Variants in ANKRD26 observed in about 807,000 individuals in gnomAD.
The protein encoded by ANKRD26 is ankyrin repeat domain-containing protein 26.
A neutral mutation model predicts 208.7 loss-of-function variants in ANKRD26; 141 were observed. That is an observed-to-expected ratio of 0.68 (90% CI 0.59 to 0.78). The LOEUF (loss-of-function observed/expected upper bound fraction) is 0.78, where lower values mean the gene tolerates loss of function less well. Among genes scored for constraint, ANKRD26 ranks in the 30% least tolerant of loss-of-function variants. ANKRD26 has a pLI of 0.00. For synonymous variants in ANKRD26, 636 were observed against 660.4 expected, an observed-to-expected ratio of 0.96 and a Z score of 0.57; for missense variants, 1,889 against 1,938.7, an observed-to-expected ratio of 0.97 and a Z score of 0.48.
rs2052822652 is a variant in ANKRD26 at position 27,005,029 on chromosome 10, T to C, written c.*561A>G. On this transcript the variant is annotated 3_prime_UTR_variant, in exon 34 of 34. Transcript: ENST00000376087. ...AAGTCTTTGTACTAAAACTTCGAAATTTTCTCTAAACTGAAGGCTATTTCC... is the reference window on the plus strand; with the variant it reads ...AAGTCTTTGTACTAAAACTTCGAAACTTTCTCTAAACTGAAGGCTATTTCC... 1.0e-6 allele frequency: 1 copy of C among 984,490 alleles called. No individual in the cohort carries two copies. Among genetic ancestry groups the C allele is most frequent in the Admixed American group, 6.1e-5 (1 of 16,268 alleles). The allele number at this position is 984,490 out of a possible 1,614,324, so 61.0% of individuals were successfully genotyped here.
chr10:27,070,336 G>C (rs901008027), intron 9 of ANKRD26, among the ~76,000 whole-genome samples: 1 of 152,060 alleles, frequency 6.6e-6, no homozygotes, highest in African/African-American at 2.4e-5. Flanking sequence ...GGAAGCAGAG[G>C]TTGCAACAAG....
intron 17 of ANKRD26, among the ~76,000 whole-genome samples, chr10:27,047,774 C>T (rs561752527): frequency 6.6e-6 from 1 of 150,714 alleles, no homozygotes; most frequent in East Asian, 2.0e-4. Context: ...GATGGAGTCT[C>T]GCCCTGTCAC....
intron 5 of ANKRD26, among the ~76,000 whole-genome samples, chr10:26,976,575 G>C (rs1288554733): frequency 6.6e-6 from 1 of 152,128 alleles, no homozygotes; most frequent in Non-Finnish European, 1.5e-5. Context: ...TCTTCCTCTA[G>C]GTCAGAGGAT....
chr10:27,065,403 C>T (rs969917000), intron 11 of ANKRD26, among the ~76,000 whole-genome samples: 7 of 152,092 alleles, frequency 4.6e-5, no homozygotes, highest in African/African-American at 1.7e-4. Context: ...AGGTCTCAAG[C>T]GTCAATTCAC....
At chr10:27,021,498 A>G (rs1017718982) in intron 29 of ANKRD26, among the ~76,000 whole-genome samples, 2 of 152,196 alleles carry the variant, frequency 1.3e-5, no homozygotes, top group Non-Finnish European at 2.9e-5. Context: ...GAATAAGATC[A>G]TATCACTTGG....
intron 6 of ANKRD26, among the ~76,000 whole-genome samples, chr10:27,082,273 TA>T (rs1157031731): frequency 6.6e-6 from 1 of 152,208 alleles, no homozygotes; most frequent in African/African-American, 2.4e-5. Context: ...AATTCCTTTA[TA>T]GGACTTGTGT....
At position 27,083,787 on chromosome 10, in the gene ANKRD26, A is replaced by G. The variant is rs1299933553; in HGVS notation, c.710-954T>C. Among the ~76,000 whole-genome samples the G allele has an allele frequency of 3.9e-5, 6 of 152,262 alleles. No homozygotes were observed. The South Asian group carries it at 1.0e-3, about 26-fold the overall frequency. ...ATAAGAGGCCAGCAAACTAGAGGCC[A>G]CAAGCCAAATCCAGCCAGCCATACG... On this transcript the variant is annotated intron_variant, in intron 5 of 33. Transcript: ENST00000376087.
chr10:27,067,268 C>A lies in ANKRD26; in HGVS notation c.1096G>T (p.Gly366Cys). The A allele has an allele frequency of 6.2e-7, 1 of 1,613,296 alleles. No homozygotes were observed. Among genetic ancestry groups the A allele is most frequent in the Non-Finnish European group, 8.5e-7 (1 of 1,179,900 alleles). Reference sequence around the variant, plus strand: ...ATACCATTTTCTTTTTTTGCAATGCCTGGCTTTGTTGGTTCTTCCTATTAA... The same window carrying A: ...ATACCATTTTCTTTTTTTGCAATGCATGGCTTTGTTGGTTCTTCCTATTAA... Reference protein sequence around the residue: ...GLMKEEPTKPGIAKKENGIDI... With the variant: ...GLMKEEPTKPCIAKKENGIDI... The change falls in exon 10 of 34, where the codon GGC (glycine) becomes TGC (cysteine). Residue 366 changes from glycine (G) to cysteine (C), a missense_variant. Physicochemically the swap from Gly to Cys is radical, Grantham distance 159 (BLOSUM62 -3). Transcript: ENST00000376087.
chr10:27,072,300 G>C (rs919714769), intron 9 of ANKRD26, among the ~76,000 whole-genome samples: 6 of 152,194 alleles, frequency 3.9e-5, no homozygotes, highest in African/African-American at 1.4e-4. Flanking sequence ...ACATACTGTT[G>C]CCTGATATCC....
chr10:27,069,372 G>A (rs970592582), intron 9 of ANKRD26, among the ~76,000 whole-genome samples: 9 of 152,128 alleles, frequency 5.9e-5, no homozygotes, highest in African/African-American at 2.2e-4. Context: ...GGGGAAACCA[G>A]AGGACTGAGT....
Position 27,041,963 on chromosome 10 carries a change from T to G in ANKRD26, c.2161+1463A>C, listed in dbSNP as rs370462476. Among the ~76,000 whole-genome samples the G allele has an allele frequency of 9.9e-5, 15 of 152,074 alleles. No homozygotes were observed. In the East Asian group the frequency reaches 1.3e-3, roughly 14 times the overall value. ...TACCATATATGATGTGGTATGATAT[T>G]ATTTGAAGGTGGACTGTGATAAATT... On this transcript the variant is annotated intron_variant, in intron 20 of 33. Transcript: ENST00000376087.
chr10:26,960,456 G>A, the ANKRD26 span, among the ~76,000 whole-genome samples: 2 of 152,142 alleles, frequency 1.3e-5, no homozygotes, highest in Non-Finnish European at 2.9e-5. Context: ...GGCTCCTCCA[G>A]ACCAGCCTAG....
In ANKRD26 at chr10:27,038,069, G is replaced by A. The variant is rs775877443; in HGVS notation, c.2376-15C>T. The A allele has an allele frequency of 2.5e-6, 4 of 1,598,128 alleles. No homozygotes were observed. The highest frequency in any genetic ancestry group is 3.4e-6 in the Non-Finnish European group (4 of 1,171,674). On this transcript the variant is annotated splice_polypyrimidine_tract_variant and intron_variant, in intron 21 of 33. Coordinates refer to ENST00000376087, the MANE Select transcript of ANKRD26 (RefSeq NM_014915.3). ...TTAAGCTAAATCTGCAGTTAAATAT[G>A]TTTATCTTAAAATCTGTATTGTTAC...
rs866001367 is a variant in ANKRD26, at chr10:27,047,745, T to A, written c.1814+1056A>T. Among the ~76,000 whole-genome samples, 504 of 147,188 alleles carry A rather than the reference T, an allele frequency of 3.4e-3. 8 individuals carry two copies. Among genetic ancestry groups the A allele is most frequent in the African/African-American group, 0.01 (410 of 39,560 alleles). ...TACTAATAATAATAATAATAATTATTATTATTATTATTATTGGAGATGGAG... is the reference window on the plus strand; with the variant it reads ...TACTAATAATAATAATAATAATTATAATTATTATTATTATTGGAGATGGAG... On this transcript the variant is annotated intron_variant, in intron 17 of 33. Coordinates refer to ENST00000376087, the MANE Select transcript of ANKRD26 (RefSeq NM_014915.3).
intron 29 of ANKRD26, among the ~76,000 whole-genome samples, chr10:27,019,397 C>T (rs1243394343): frequency 6.6e-6 from 1 of 152,104 alleles, no homozygotes; most frequent in African/African-American, 2.4e-5. Flanking sequence ...GAATGGGAGA[C>T]ACTATTTGCA....
the ANKRD26 span, among the ~76,000 whole-genome samples, chr10:26,956,231 T>A: frequency 1.3e-5 from 2 of 152,168 alleles, no homozygotes; most frequent in South Asian, 4.1e-4. Flanking sequence ...TAAATGAATT[T>A]GGGCTAAAAA....
intron 15 of ANKRD26, among the ~76,000 whole-genome samples, chr10:27,055,170 A>AT (rs1296562768): frequency 3.3e-5 from 5 of 152,196 alleles, no homozygotes; most frequent in Non-Finnish European, 7.4e-5. Flanking sequence ...GACTCTATTC[A>AT]TTACCTTATA....
chr10:27,041,283 T>C (rs1351541617), intron 20 of ANKRD26, among the ~76,000 whole-genome samples: 1 of 151,954 alleles, frequency 6.6e-6, no homozygotes, highest in African/African-American at 2.4e-5. Flanking sequence ...GATCCCCTCT[T>C]GGGTATTGAG....
chr10:27,095,617 G>A (rs147456791), intron 1 of ANKRD26, among the ~76,000 whole-genome samples: 19 of 152,274 alleles, frequency 1.2e-4, no homozygotes, highest in African/African-American at 4.6e-4. Context: ...GGAGTAAGCC[G>A]AGATCATGCC....
Sources: gnomAD v4.1 joint callset for allele counts (sites outside exome capture counted in the v4.1 genomes callset) on GRCh38, gnomAD v4.1.1 for gene constraint, MANE v1.5 for transcripts, NCBI Gene and HGNC (gene_info 2026-07-23, HGNC 2026-07-21) for gene names.